The following AJAP1 variants were observed in gnomAD, a reference collection of about 807,000 sequenced individuals.
AJAP1 encodes adherens junctions associated protein 1, also known as adherens junction-associated protein 1.
Under a neutral mutation model 35.0 loss-of-function variants are expected in AJAP1, and 5 were observed. That is an observed-to-expected ratio of 0.14 (90% confidence interval 0.07 to 0.30). AJAP1 has a LOEUF of 0.30. Among genes scored for constraint, AJAP1 ranks in the 10% least tolerant of loss-of-function variants. AJAP1 has a pLI of 1.00. For missense variants in AJAP1, 586 were observed against 571.0 expected (o/e 1.03, Z -0.27); for synonymous variants, 284 against 249.3 (o/e 1.14, Z -1.31).
At position 4,693,629 on chromosome 1, in the gene AJAP1, C is replaced by T. The variant is rs147914632; in HGVS notation, c.30-18271C>T. On this transcript the variant is annotated intron_variant, in intron 1 of 5. Coordinates refer to ENST00000378191, the MANE Select transcript of AJAP1 (RefSeq NM_018836.4). This position sits in a 1 kb window ranked among gnomAD's most constrained non-coding sequence, Gnocchi z 4.4. Reference sequence around the variant, plus strand: ...AGTGCCTGTCTTAGCCTGTTTTATGCGGCTCTAACAATATATGTGAGACTG... The same window carrying T: ...AGTGCCTGTCTTAGCCTGTTTTATGTGGCTCTAACAATATATGTGAGACTG... 1.3e-5 allele frequency among the ~76,000 whole-genome samples: 2 copies of T among 152,278 alleles called. No individual in the cohort carries two copies. Among genetic ancestry groups the T allele is most frequent in the East Asian group, 1.9e-4 (1 of 5,180 alleles).
chr1:4,743,571 C>T (rs1406460479), intron 2 of AJAP1, among the ~76,000 whole-genome samples: 6 of 152,166 alleles, frequency 3.9e-5, no homozygotes, highest in Admixed American at 6.5e-5. Flanking sequence ...TCCCTCCATC[C>T]GCCCGACAGC....
At chr1:4,778,142 C>T (rs910733143) in intron 5 of AJAP1, among the ~76,000 whole-genome samples, 3 of 152,192 alleles carry the variant, frequency 2.0e-5, no homozygotes, top group African/African-American at 7.2e-5. Context: ...CCAGGCCAGC[C>T]GAGAATCTCC....
chr1:4,729,136 ACTCAG>A (rs974247123), intron 2 of AJAP1, among the ~76,000 whole-genome samples: 2 of 152,142 alleles, frequency 1.3e-5, no homozygotes, highest in African/African-American at 4.8e-5. Context: ...TAATTAATAA[ACTCAG>A]CCATCTCAAC....
At chr1:4,696,296 G>A (rs868197349) in intron 1 of AJAP1, among the ~76,000 whole-genome samples, 10 of 152,260 alleles carry the variant, frequency 6.6e-5, no homozygotes, top group East Asian at 5.8e-4. Context: ...GAAAGGCTGC[G>A]ACACATGCCA....
chr1:4,671,687 C>G (rs1162382676), intron 1 of AJAP1, among the ~76,000 whole-genome samples: 1 of 152,160 alleles, frequency 6.6e-6, no homozygotes, highest in East Asian at 1.9e-4. Context: ...TGATGTGGAC[C>G]TGTTGACGTG....
At chr1:4,696,136 G>C (rs542990164) in intron 1 of AJAP1, among the ~76,000 whole-genome samples, 1 of 151,982 alleles carries the variant, frequency 6.6e-6, no homozygotes, top group African/African-American at 2.4e-5. Flanking sequence ...AACTTGAGAC[G>C]CAGGGGTTTT....
chr1:4,782,621 A>G lies in AJAP1; in HGVS notation c.*136A>G, dbSNP rs1385189366. On this transcript the variant is annotated 3_prime_UTR_variant, in exon 6 of 6. Transcript: ENST00000378191. This position sits in a 1 kb window ranked among gnomAD's most constrained non-coding sequence, Gnocchi z 5.3. ...GACAAAACCTAAAACTGAGCTATCT[A>G]AGGGGGAGGGTCCCCGCACCTACCA... 1 of 397,630 alleles carries G rather than the reference A, an allele frequency of 2.5e-6. No individual in the cohort carries two copies. The highest frequency in any genetic ancestry group is 4.4e-6 in the Non-Finnish European group (1 of 225,942). The allele number at this position is 397,630 out of a possible 1,614,324, so 24.6% of individuals were successfully genotyped here.
intron 2 of AJAP1, among the ~76,000 whole-genome samples, chr1:4,743,345 G>A (rs1641113161): frequency 6.6e-6 from 1 of 152,146 alleles, no homozygotes; most frequent in African/African-American, 2.4e-5. Flanking sequence ...TGGTAGTGAG[G>A]GCAGGGCCAG....
intron 2 of AJAP1, among the ~76,000 whole-genome samples, chr1:4,716,251 T>C (rs1640386976): frequency 6.6e-6 from 1 of 152,210 alleles, no homozygotes; most frequent in Admixed American, 6.5e-5. Flanking sequence ...TGGGAAATCT[T>C]TTTGAGTTTC....
intron 1 of AJAP1, among the ~76,000 whole-genome samples, chr1:4,710,964 G>C (rs1363213738): frequency 6.6e-6 from 1 of 152,196 alleles, no homozygotes; most frequent in Non-Finnish European, 1.5e-5. Context: ...GCCCCGCTGC[G>C]TGGAGAGGCA....
intron 2 of AJAP1, among the ~76,000 whole-genome samples, chr1:4,766,917 C>G (rs1366423765): frequency 1.3e-5 from 2 of 152,104 alleles, no homozygotes; most frequent in Admixed American, 1.3e-4. Flanking sequence ...ACATCGATCC[C>G]AGGTGTGAAG....
chr1:4,704,548 G>A (rs1640059939), intron 1 of AJAP1, among the ~76,000 whole-genome samples: 1 of 152,016 alleles, frequency 6.6e-6, no homozygotes, highest in Non-Finnish European at 1.5e-5. Context: ...TCTTAATCTG[G>A]TCTATCATTG....
intron 2 of AJAP1, among the ~76,000 whole-genome samples, chr1:4,748,576 T>C (rs1023118951): frequency 6.6e-6 from 1 of 151,914 alleles, no homozygotes; most frequent in Non-Finnish European, 1.5e-5. Context: ...GGTAAAACCC[T>C]GTCTCTACTA....
chr1:4,725,008 G>A (rs1044907016), intron 2 of AJAP1, among the ~76,000 whole-genome samples: 10 of 152,142 alleles, frequency 6.6e-5, no homozygotes, highest in African/African-American at 2.2e-4. Flanking sequence ...CTGCCCCAGC[G>A]CACACTGTCT....
intron 5 of AJAP1, among the ~76,000 whole-genome samples, chr1:4,778,111 G>T (rs1029877236): frequency 6.6e-6 from 1 of 152,188 alleles, no homozygotes; most frequent in Non-Finnish European, 1.5e-5. Flanking sequence ...GCGCCACTGC[G>T]TAGCATGCAG....
At chr1:4,772,191 A>G in intron 3 of AJAP1, 89 bp from the exon 4 acceptor site, 1 of 1,554,262 alleles carries the variant, frequency 6.4e-7, no homozygotes, top group African/African-American at 1.4e-5. Flanking sequence ...CACGCCTGCA[A>G]GCGAAAGACC....
At chr1:4,741,806 T>A (rs1393396341) in intron 2 of AJAP1, among the ~76,000 whole-genome samples, 1 of 151,822 alleles carries the variant, frequency 6.6e-6, no homozygotes, top group Non-Finnish European at 1.5e-5. Flanking sequence ...AGAGCAGGAG[T>A]CAAGTCTGGA....
rs115276755 is a variant in AJAP1 at position 4,665,827 on chromosome 1, T to G, written c.29+10373T>G. 2.0e-3 allele frequency among the ~76,000 whole-genome samples: 312 copies of G among 152,294 alleles called. 1 individual carries two copies. The highest frequency in any genetic ancestry group is 7.2e-3 in the African/African-American group (299 of 41,550). ...ACCCCTCTCCTGGTCCTACAGGAAC[T>G]CCAAGTGGAGGAGAGGACAGAGGAG... is the stretch of plus-strand genomic sequence containing the variant. On this transcript the variant is annotated intron_variant, in intron 1 of 5. Coordinates refer to ENST00000378191, the MANE Select transcript of AJAP1 (RefSeq NM_018836.4).
rs917668352 is a variant in AJAP1, at chr1:4,672,270, G to A, written c.29+16816G>A. 3.3e-5 allele frequency among the ~76,000 whole-genome samples: 5 copies of A among 152,248 alleles called. No homozygotes were observed. In the East Asian group the frequency reaches 7.7e-4, roughly 24 times the overall value. ...CCAAATCACTGCACCATGAAGGAGC[G>A]CCAAGCATATCAGACAAAAATGAAA... On this transcript the variant is annotated intron_variant, in intron 1 of 5. Transcript: ENST00000378191.
Sources: gnomAD v4.1 joint callset for allele counts (sites outside exome capture counted in the v4.1 genomes callset) on GRCh38, gnomAD v4.1.1 for gene constraint, Gnocchi (gnomAD v3.1) non-coding constraint, MANE v1.5 for transcripts, NCBI Gene and HGNC (gene_info 2026-07-23, HGNC 2026-07-21) for gene names.